The following RAMP1 variants were observed in gnomAD, a reference collection of about 807,000 sequenced individuals.
RAMP1 encodes the protein receptor activity modifying protein 1.
Under a neutral mutation model 8.2 loss-of-function variants are expected in RAMP1, and 7 were observed. The observed-to-expected ratio is 0.85, with a 90% CI of 0.49 to 1.60. The LOEUF (loss-of-function observed/expected upper bound fraction) is 1.60. Among genes scored for constraint, RAMP1 ranks in the 40% most tolerant of loss-of-function variants. The pLI is 0.00. For synonymous variants in RAMP1, 92 were observed against 84.7 expected, an observed-to-expected ratio of 1.09 and a Z score of -0.47; for missense variants, 192 against 202.4, an observed-to-expected ratio of 0.95 and a Z score of 0.31.
chr2:237,879,204 G>C (rs2062339977), intron 2 of RAMP1, among the ~76,000 whole-genome samples: 2 of 152,174 alleles, frequency 1.3e-5, no homozygotes, highest in African/African-American at 4.8e-5. Context: ...CTGGAGAAAA[G>C]CACTCTCCCC....
intron 1 of RAMP1, among the ~76,000 whole-genome samples, chr2:237,875,987 G>A (rs993918776): frequency 4.6e-5 from 7 of 152,146 alleles, no homozygotes; most frequent in South Asian, 2.1e-4. Context: ...TACCACTTCC[G>A]GCCATGGGAC....
chr2:237,898,259 A>C (rs772276912), intron 2 of RAMP1, among the ~76,000 whole-genome samples: 1 of 152,240 alleles, frequency 6.6e-6, no homozygotes, highest in Non-Finnish European at 1.5e-5. Context: ...ATTCATTTGC[A>C]TGCAGTGATG....
chr2:237,868,496 T>C (rs930727548), intron 1 of RAMP1, among the ~76,000 whole-genome samples: 1 of 152,038 alleles, frequency 6.6e-6, no homozygotes, highest in Non-Finnish European at 1.5e-5. Context: ...TGTGAATTTG[T>C]ATTTTCATGT....
In RAMP1 at chr2:237,911,545, C is replaced by T. The variant is rs1235449661; in HGVS notation, c.209C>T (p.Ala70Val). ...ATCCGCAGGAGCTACAGGGAGCTGG[C>T]CGACTGCACCTGGCACATGGCGGAG... is the stretch of plus-strand genomic sequence containing the variant. ...GRTIRSYREL[A>V]DCTWHMAEKL... Residue 70 changes from alanine to valine, a missense_variant, in exon 3 of 3, where the codon GCC (alanine) becomes GTC (valine). Ala to Val is a moderately conservative substitution (Grantham distance 64, BLOSUM62 0). Coordinates refer to ENST00000254661, the MANE Select transcript of RAMP1 (RefSeq NM_005855.4). The T allele has an allele frequency of 6.2e-7, 1 of 1,614,096 alleles. No individual in the cohort carries two copies. The highest frequency in any genetic ancestry group is 1.1e-5 in the South Asian group (1 of 91,072).
intron 2 of RAMP1, among the ~76,000 whole-genome samples, chr2:237,885,271 T>G (rs897724682): frequency 2.0e-5 from 3 of 152,164 alleles, no homozygotes; most frequent in Admixed American, 6.5e-5. Context: ...CCTCCTGGAT[T>G]TCTGCTGAGC....
intron 1 of RAMP1, among the ~76,000 whole-genome samples, chr2:237,860,358 G>T (rs1378657189): frequency 6.6e-6 from 1 of 152,132 alleles, no homozygotes; most frequent in African/African-American, 2.4e-5. Context: ...TGTTAACTTG[G>T]CACTTTTGGC....
intron 1 of RAMP1, chr2:237,859,939 C>T: frequency 2.2e-6 from 1 of 458,496 alleles, no homozygotes; most frequent in East Asian, 3.8e-5. Context: ...ACCGGTGTTG[C>T]GCTTCTCGCC....
At chr2:237,866,472 G>C (rs755943005) in intron 1 of RAMP1, among the ~76,000 whole-genome samples, 6 of 152,112 alleles carry the variant, frequency 3.9e-5, no homozygotes, top group Non-Finnish European at 8.8e-5. Flanking sequence ...CAGTCGTACT[G>C]TGTTGGAGAG....
At chr2:237,876,114 G>A (rs569373871) in intron 1 of RAMP1, among the ~76,000 whole-genome samples, 4 of 152,196 alleles carry the variant, frequency 2.6e-5, no homozygotes, top group East Asian at 1.9e-4. Context: ...CCGGCGCATC[G>A]GGGCAGCTCC....
chr2:237,880,069 G>A (rs1340339316), intron 2 of RAMP1, among the ~76,000 whole-genome samples: 2 of 151,428 alleles, frequency 1.3e-5, no homozygotes, highest in South Asian at 2.1e-4. Flanking sequence ...ATCTCAGCAC[G>A]TCAGCCCAGG....
At chr2:237,882,446 A>T (rs1457116550) in intron 2 of RAMP1, among the ~76,000 whole-genome samples, 1 of 152,126 alleles carries the variant, frequency 6.6e-6, no homozygotes, top group African/African-American at 2.4e-5. Flanking sequence ...AGCCTGGCGG[A>T]GGTGGGGCTG....
chr2:237,903,474 T>C lies in RAMP1; in HGVS notation c.192-8054T>C, dbSNP rs148649805. Among the ~76,000 whole-genome samples, 6 of 152,324 alleles carry C rather than the reference T, an allele frequency of 3.9e-5. No individual in the cohort carries two copies. In the East Asian group the frequency reaches 9.6e-4, roughly 24 times the overall value. On this transcript the variant is annotated intron_variant, in intron 2 of 2. Transcript: ENST00000254661. ...CCAGTTTATCTTCCCTGAGGATTGC[T>C]ATGAGTGCCTGCCTCAGTATCCTAC...
intron 2 of RAMP1, among the ~76,000 whole-genome samples, chr2:237,880,570 C>G (rs1051382805): frequency 6.6e-6 from 1 of 152,158 alleles, no homozygotes; most frequent in African/African-American, 2.4e-5. Context: ...TAGAAGAAAA[C>G]ATGGGTGAAT....
intron 2 of RAMP1, among the ~76,000 whole-genome samples, chr2:237,881,938 G>T (rs757681913): frequency 6.6e-6 from 1 of 151,910 alleles, no homozygotes. Flanking sequence ...CTGGATTGGA[G>T]TCCTAGTGGA....
intron 2 of RAMP1, among the ~76,000 whole-genome samples, chr2:237,884,574 T>C (rs940407428): frequency 2.6e-5 from 4 of 152,146 alleles, no homozygotes; most frequent in African/African-American, 9.7e-5. Flanking sequence ...ACACGCCTAT[T>C]CCACCCCACC....
intron 1 of RAMP1, among the ~76,000 whole-genome samples, chr2:237,868,204 C>T (rs1576533828): frequency 6.6e-6 from 1 of 152,072 alleles, no homozygotes; most frequent in East Asian, 1.9e-4. Flanking sequence ...CCACCATGTC[C>T]AGCTAATTTT....
chr2:237,873,277 T>C (rs771729378), intron 1 of RAMP1, among the ~76,000 whole-genome samples: 5 of 152,250 alleles, frequency 3.3e-5, no homozygotes, highest in Non-Finnish European at 7.3e-5. Context: ...AACTGGCCTT[T>C]CCTGCCCCAT....
intron 1 of RAMP1, among the ~76,000 whole-genome samples, chr2:237,871,644 A>G (rs1397833840): frequency 1.3e-5 from 2 of 152,202 alleles, no homozygotes; most frequent in South Asian, 4.1e-4. Flanking sequence ...CCTCTGGGAC[A>G]GTCGTCCCCA....
chr2:237,879,264 G>C (rs553385020), intron 2 of RAMP1, among the ~76,000 whole-genome samples: 1 of 151,820 alleles, frequency 6.6e-6, no homozygotes, highest in African/African-American at 2.4e-5. Flanking sequence ...GATTGTGAAC[G>C]GGAGGCCTGG....
Sources: allele counts gnomAD v4.1 joint callset (sites outside exome capture counted in the v4.1 genomes callset), GRCh38; gene constraint gnomAD v4.1.1; transcripts MANE v1.5; gene names NCBI Gene and HGNC (gene_info 2026-07-23, HGNC 2026-07-21).